Variants in ZPR1 observed in about 807,000 individuals in gnomAD.
ZPR1 encodes ZPR1 zinc finger.
A neutral mutation model predicts 59.6 loss-of-function variants in ZPR1; 37 were observed. The observed-to-expected ratio is 0.62, with a 90% confidence interval of 0.48 to 0.82. The LOEUF is 0.82. Among genes scored for constraint, ZPR1 ranks in the 40% least tolerant of loss-of-function variants. The pLI is 0.00. For missense variants in ZPR1, 527 were observed against 579.9 expected, an observed-to-expected ratio of 0.91 and a Z score of 0.94; for synonymous variants, 191 against 215.2, an observed-to-expected ratio of 0.89 and a Z score of 0.99.
chr11:116,779,844 G>A lies in ZPR1; in HGVS notation c.1180-7C>T, dbSNP rs760129341. ...TCATGTTACCTTCGATGATCTAAAG[G>A]AGAGAGAGAACACAGCAAGTAAATT... On this transcript the variant is annotated splice_polypyrimidine_tract_variant and splice_region_variant and intron_variant, in intron 12 of 13. Coordinates refer to ENST00000227322, the MANE Select transcript of ZPR1 (RefSeq NM_003904.5). 4.0e-6 allele frequency: 6 copies of A among 1,507,150 alleles called. No individual in the cohort carries two copies. The highest frequency in any genetic ancestry group is 3.5e-5 in the South Asian group (3 of 85,246). The allele number at this position is 1,507,150 out of a possible 1,614,324, so 93.4% of individuals were successfully genotyped here. A position where few individuals can be genotyped will look rare whatever the true frequency, so the allele number is the denominator to read the frequency against.
In ZPR1 at chr11:116,774,459, A is replaced by C. The variant is rs1423068152; in HGVS notation, c.*4466T>G. 1.3e-5 allele frequency: 2 copies of C among 152,180 alleles called. No homozygotes were observed. Among genetic ancestry groups the C allele is most frequent in the Admixed American group, 1.3e-4 (2 of 15,280 alleles). The allele number at this position is 152,180 out of a possible 1,614,324, so 9.4% of individuals were successfully genotyped here. On this transcript the variant is annotated 3_prime_UTR_variant, in exon 14 of 14. Transcript: ENST00000227322. ...ACAATAGTTTCTTGGACCAAGAGTCAAAAAGGTCACTTTTTTAATATATTA... is the reference window on the plus strand; with the variant it reads ...ACAATAGTTTCTTGGACCAAGAGTCCAAAAGGTCACTTTTTTAATATATTA...
rs1342011561 is a variant in ZPR1, at chr11:116,782,180, T to A, written c.1157A>T (p.Glu386Val). Residue 386 changes from glutamate to valine, a missense_variant, in exon 12 of 14, where the codon GAG becomes GTG. By Grantham distance (121) the Glu-to-Val change is moderately radical. Transcript: ENST00000227322. ...TACCTGGTCCATCTTCTGGCTAAACTCCTGTAGTCTCTCCGTCTGTCCAGG... is the reference window on the plus strand; with the variant it reads ...TACCTGGTCCATCTTCTGGCTAAACACCTGTAGTCTCTCCGTCTGTCCAGG... ...SNPGQTERLQ[E>V]FSQKMDQIIE... The A allele has an allele frequency of 1.2e-6, 2 of 1,614,102 alleles. No homozygotes were observed. Among genetic ancestry groups the A allele is most frequent in the South Asian group, 1.1e-5 (1 of 91,076 alleles).
chr11:116,784,615 G>A (rs1940857374), intron 8 of ZPR1, 167 bp from the exon 9 acceptor site: 1 of 818,126 alleles, frequency 1.2e-6, no homozygotes, highest in South Asian at 1.4e-5. Flanking sequence ...CCCAACCCAT[G>A]GCAATCCCTG....
In ZPR1 at chr11:116,775,660, A is replaced by AAAAAAAAC; in HGVS notation, c.*3264_*3265insGTTTTTTT. ...AAAAAAAAAAAAAAAAAAAAAAAAAAAAGCTCTGCTTCCTTCTGGAAGTAA... is the reference window on the plus strand; with the variant it reads ...AAAAAAAAAAAAAAAAAAAAAAAAAAAAAAAAACAAGCTCTGCTTCCTTCTGGAAGTAA... On this transcript the variant is annotated 3_prime_UTR_variant, in exon 14 of 14. Transcript: ENST00000227322. 6.8e-6 allele frequency: 1 copy of AAAAAAAAC among 147,682 alleles called. No individual in the cohort carries two copies. The highest frequency in any genetic ancestry group is 1.6e-5 in the Non-Finnish European group (1 of 64,198). 9.1% of individuals were successfully genotyped at this position (147,682 alleles called of 1,614,324 possible).
Position 116,778,988 on chromosome 11 carries a change from C to T in ZPR1, c.1317G>A (p.Glu439=), listed in dbSNP as rs781628839. 1.9e-6 allele frequency: 3 copies of T among 1,614,094 alleles called. No individual in the cohort carries two copies. The Admixed American group carries it at 5.0e-5, about 27-fold the overall frequency. Residue 439 remains glutamate (E), a synonymous_variant, in exon 14 of 14, where the codon GAG becomes GAA. Transcript: ENST00000227322. ...TCTTCATGTCATTGAGCCCTAGCTCCTCATTTTGGTCAAAGGTGCGCTTGT... is the reference window on the plus strand; with the variant it reads ...TCTTCATGTCATTGAGCCCTAGCTCTTCATTTTGGTCAAAGGTGCGCTTGT... ...ERYKRTFDQN[E]ELGLNDMKTE... is the part of the protein sequence containing the mutation.
chr11:116,779,848 G>A lies in ZPR1; in HGVS notation c.1180-11C>T, dbSNP rs775421796. On this transcript the variant is annotated splice_polypyrimidine_tract_variant and intron_variant, in intron 12 of 13. Transcript: ENST00000227322. ...GTTACCTTCGATGATCTAAAGGAGA[G>A]AGAGAACACAGCAAGTAAATTTTAC... The A allele has an allele frequency of 5.4e-6, 8 of 1,486,550 alleles. No homozygotes were observed. Among genetic ancestry groups the A allele is most frequent in the South Asian group, 1.2e-5 (1 of 83,142 alleles). The allele number at this position is 1,486,550 out of a possible 1,614,324, so 92.1% of individuals were successfully genotyped here. A position where few individuals can be genotyped will look rare whatever the true frequency, so the allele number is the denominator to read the frequency against.
At chr11:116,786,871 AC>A in intron 3 of ZPR1, 97 bp downstream of exon 3, 1 of 980,352 alleles carries the variant, frequency 1.0e-6, no homozygotes, top group African/African-American at 1.6e-5. Context: ...TAGAACCCAT[AC>A]ACAAACCACT....
Position 116,787,580 on chromosome 11 carries a change from A to T in ZPR1, c.235T>A (p.Ser79Thr). Residue 79 changes from serine (S) to threonine (T), a missense_variant, in exon 2 of 14, where the codon TCC (serine) becomes ACC (threonine). Transcript: ENST00000227322. ...FFREIIVSSFSCEHCGWNNTE... is the reference protein window; with the variant it reads ...FFREIIVSSFTCEHCGWNNTE... Reference sequence around the variant, plus strand: ...TTGTTCCAGCCACAGTGCTCGCAGGAAAAGGAGCTCACTATTATTTCTCTG... The same window carrying T: ...TTGTTCCAGCCACAGTGCTCGCAGGTAAAGGAGCTCACTATTATTTCTCTG... The T allele has an allele frequency of 6.2e-7, 1 of 1,614,186 alleles. No homozygotes were observed. The highest frequency in any genetic ancestry group is 8.5e-7 in the Non-Finnish European group (1 of 1,180,006).
rs531389890 is a variant in ZPR1 at position 116,785,478 on chromosome 11, TC to T, written c.705+35del. ...CAAGCAATCCAGAGTGCGCGATAAT[TC>T]CAGAGCATTCTTCTGGATCCTTCAG... On this transcript the variant is annotated intron_variant, in intron 6 of 13. Transcript: ENST00000227322. 549 of 1,609,200 alleles carry T rather than the reference TC, an allele frequency of 3.4e-4. 1 individual carries two copies. In the African/African-American group the frequency reaches 6.5e-3, roughly 19 times the overall value.
At chr11:116,782,667 G>A (rs1170591431) in intron 11 of ZPR1, among the ~76,000 whole-genome samples, 1 of 152,162 alleles carries the variant, frequency 6.6e-6, no homozygotes, top group Non-Finnish European at 1.5e-5. Flanking sequence ...TAACTTTACA[G>A]TAAAATAAAT....
intron 6 of ZPR1, 144 bp from the exon 7 acceptor site, chr11:116,785,290 A>G: frequency 8.9e-7 from 1 of 1,123,374 alleles, no homozygotes; most frequent in Non-Finnish European, 1.3e-6. Context: ...ACCACAAAGT[A>G]AAGCCCCAAC....
At chr11:116,780,355 AC>A (rs1940787857) in intron 12 of ZPR1, among the ~76,000 whole-genome samples, 1 of 150,870 alleles carries the variant, frequency 6.6e-6, no homozygotes, top group African/African-American at 2.4e-5. Context: ...ATACATACAC[AC>A]CCCAGCCCCC....
chr11:116,776,019 T>C lies in ZPR1; in HGVS notation c.*2906A>G, dbSNP rs1231321137. 1 of 152,226 alleles carries C rather than the reference T, an allele frequency of 6.6e-6. No homozygotes were observed. The highest frequency in any genetic ancestry group is 1.5e-5 in the Non-Finnish European group (1 of 68,044). The allele number at this position is 152,226 out of a possible 1,614,324, so 9.4% of individuals were successfully genotyped here. ...AAATATACTGATGTTAGAATGAAAG[T>C]GTTGCCATCATTAAAGTTTTCAGTT... On this transcript the variant is annotated 3_prime_UTR_variant, in exon 14 of 14. Transcript: ENST00000227322.
At chr11:116,783,126 G>A (rs565732858) in intron 10 of ZPR1, 97 bp from the exon 11 acceptor site, 2 of 862,652 alleles carry the variant, frequency 2.3e-6, no homozygotes, top group Non-Finnish European at 3.8e-6. Context: ...ATAGACTGCG[G>A]ACAAGGGCAG....
chr11:116,787,035 T>C lies in ZPR1; in HGVS notation c.358A>G (p.Thr120Ala), dbSNP rs777824616. 2 of 1,614,080 alleles carry C rather than the reference T, an allele frequency of 1.2e-6. No individual in the cohort carries two copies. The highest frequency in any genetic ancestry group is 2.2e-5 in the South Asian group (2 of 91,092). Reference sequence around the variant, plus strand: ...GGAATCCTTGTGGCAGCAGAGTCAGTCTTCACCACTTCTCTGTTCATGTCC... The same window carrying C: ...GGAATCCTTGTGGCAGCAGAGTCAGCCTTCACCACTTCTCTGTTCATGTCC... ...LEDMNREVVKTDSAATRIPEL... is the reference protein window; with the variant it reads ...LEDMNREVVKADSAATRIPEL... The change falls in exon 3 of 14, where the codon ACT becomes GCT. Residue 120 changes from threonine to alanine, a missense_variant. Transcript: ENST00000227322.
rs1940715142 is a variant in ZPR1 at position 116,775,743 on chromosome 11, A to G, written c.*3182T>C. The G allele has an allele frequency of 1.2e-5, 2 of 165,138 alleles. No individual in the cohort carries two copies. Among genetic ancestry groups the G allele is most frequent in the African/African-American group, 4.9e-5 (2 of 40,888 alleles). 10.2% of individuals were successfully genotyped at this position (165,138 alleles called of 1,614,324 possible). A position where few individuals can be genotyped will look rare whatever the true frequency, so the allele number is the denominator to read the frequency against. ...GGGGATAATTTTGTTTATCCTAATT[A>G]TCCCCATTTTACAGACTAGGAAAAC... On this transcript the variant is annotated 3_prime_UTR_variant, in exon 14 of 14. Coordinates refer to ENST00000227322, the MANE Select transcript of ZPR1 (RefSeq NM_003904.5).
At chr11:116,782,013 A>AG in intron 12 of ZPR1, 145 bp downstream of exon 12, 2 of 171,714 alleles carry the variant, frequency 1.2e-5, no homozygotes, top group East Asian at 1.5e-4. Flanking sequence ...CTCTGTCTCC[A>AG]AAAAAAAAAA....
At position 116,787,534 on chromosome 11, in the gene ZPR1, C is replaced by T; in HGVS notation, c.281G>A (p.Gly94Asp). The change falls in exon 2 of 14, where the codon GGC becomes GAC. Residue 94 changes from glycine to aspartate, a missense_variant. Gly to Asp is a moderately conservative substitution (Grantham distance 94). Transcript: ENST00000227322. ...GWNNTEIQSA[G>D]RIQDQGVRYT... ...GCGCACTCCCTGGTCCTGGATCCTG[C>T]CTGCCGACTGGATCTCCGTGTTGTT... 6.2e-7 allele frequency: 1 copy of T among 1,614,220 alleles called. No homozygotes were observed. The highest frequency in any genetic ancestry group is 8.5e-7 in the Non-Finnish European group (1 of 1,180,020).
chr11:116,785,964 TAG>T (rs1010186983), intron 4 of ZPR1, 82 bp from the exon 5 acceptor site: 1 of 1,195,996 alleles, frequency 8.4e-7, no homozygotes, highest in African/African-American at 1.5e-5. Flanking sequence ...TTACTTCCAT[TAG>T]GAAGTCACCA....
Sources: gnomAD v4.1 joint callset for allele counts (sites outside exome capture counted in the v4.1 genomes callset) on GRCh38, gnomAD v4.1.1 for gene constraint, MANE v1.5 for transcripts, NCBI Gene and HGNC (gene_info 2026-07-23, HGNC 2026-07-21) for gene names.